Variants in EDRF1 observed in about 807,000 individuals in gnomAD.
EDRF1 encodes the protein erythroid differentiation regulatory factor 1.
EDRF1 carries 69 observed loss-of-function variants against 148.7 expected under a neutral mutation model. That is an observed-to-expected ratio of 0.46 (90% CI 0.38 to 0.57). The LOEUF is 0.57. Among genes scored for constraint, EDRF1 ranks in the 20% least tolerant of loss-of-function variants. The pLI is 0.00. For missense variants in EDRF1, 1,118 were observed against 1,478.7 expected, an observed-to-expected ratio of 0.76 and a Z score of 4.00; for synonymous variants, 515 against 532.8, an observed-to-expected ratio of 0.97 and a Z score of 0.46.
chr10:125,745,005 C>T (rs1156280290), intron 18 of EDRF1: 3 of 153,066 alleles, frequency 2.0e-5, no homozygotes, highest in Non-Finnish European at 4.4e-5. Context: ...ATAAGGGTTA[C>T]TTGTACAAAA....
chr10:125,751,858 T>C (rs1198431205), intron 22 of EDRF1: 1 of 152,232 alleles, frequency 6.6e-6, no homozygotes, highest in Non-Finnish European at 1.5e-5. Flanking sequence ...CCTGGAGAGT[T>C]CTAAGCGCGG....
intron 1 of EDRF1, among the ~76,000 whole-genome samples, chr10:125,720,725 G>T (rs1364805789): frequency 6.6e-6 from 1 of 151,196 alleles, no homozygotes; most frequent in Non-Finnish European, 1.5e-5. Context: ...GCAGGAGAAT[G>T]GCGTAAACCC....
Position 125,748,018 on chromosome 10 carries a change from G to A in EDRF1, c.3123+6G>A, listed in dbSNP as rs1487161368. The A allele has an allele frequency of 1.2e-6, 2 of 1,614,158 alleles. No individual in the cohort carries two copies. The highest frequency in any genetic ancestry group is 1.1e-5 in the South Asian group (1 of 91,084). On this transcript the variant is annotated splice_donor_region_variant and intron_variant, in intron 21 of 24. Transcript: ENST00000356792. ...ACAGCTGTCTGAGGAATCAGGTATTGTCAGTCCAAGTTAAGTACAGTGCCA... is the reference window on the plus strand; with the variant it reads ...ACAGCTGTCTGAGGAATCAGGTATTATCAGTCCAAGTTAAGTACAGTGCCA...
chr10:125,747,687 A>T lies in EDRF1; in HGVS notation c.2966A>T (p.Gln989Leu). ...QDYAPLSRKA[Q>L]EQIEKEVSEA... is the part of the protein sequence containing the mutation. ...TATGCTCCGTTATCTAGAAAAGCTC[A>T]GGAGCAGGTGATAATATTTGCTGGA... The change falls in exon 20 of 25, where the codon CAG (glutamine) becomes CTG (leucine). Residue 989 changes from glutamine (Q) to leucine (L), a missense_variant. This residue lies in a region of EDRF1 where 954 missense variants were observed against 1,241.4 expected (regional missense o/e 0.77). Transcript: ENST00000356792. 6.2e-7 allele frequency: 1 copy of T among 1,614,172 alleles called. No individual in the cohort carries two copies. The highest frequency in any genetic ancestry group is 8.5e-7 in the Non-Finnish European group (1 of 1,180,000).
In EDRF1 at chr10:125,763,485, G is replaced by A. The variant is rs2296831; in HGVS notation, c.*13G>A. ...TGCCGTTCAGTGACTGCACAGAGCC[G>A]TGTCCCAGACACGCTGTCAGTGCCT... On this transcript the variant is annotated 3_prime_UTR_variant, in exon 25 of 25. Coordinates refer to ENST00000356792, the MANE Select transcript of EDRF1 (RefSeq NM_001202438.2). This position sits in a 1 kb window ranked among gnomAD's most constrained non-coding sequence, Gnocchi z 4.3. 7,620 of 1,603,822 alleles carry A rather than the reference G, an allele frequency of 4.8e-3. 368 individuals carry two copies. In the East Asian group the frequency reaches 0.12, roughly 24 times the overall value.
At position 125,735,719 on chromosome 10, in the gene EDRF1, T is replaced by A. The variant is rs1245507643; in HGVS notation, c.1573T>A (p.Ser525Thr). The change falls in exon 13 of 25, where the codon TCT (serine) becomes ACT (threonine). Residue 525 changes from serine to threonine, a missense_variant. Around this residue, in one of 3 missense-constraint regions of EDRF1, gnomAD observed 954 missense variants for 1,241.4 expected, o/e 0.77. Coordinates refer to ENST00000356792, the MANE Select transcript of EDRF1 (RefSeq NM_001202438.2). ...ACCTAAAAAGGAAGAAAATTCAGAATCTCCTTTAAATGAGAATTCTGATGA... is the reference window on the plus strand; with the variant it reads ...ACCTAAAAAGGAAGAAAATTCAGAAACTCCTTTAAATGAGAATTCTGATGA... ...DEPKKEENSE[S>T]PLNENSDESY... 8.7e-6 allele frequency: 14 copies of A among 1,613,456 alleles called. 1 individual carries two copies. The Admixed American group carries it at 2.3e-4, about 27-fold the overall frequency.
intron 9 of EDRF1, 76 bp downstream of exon 9, chr10:125,730,475 C>A: frequency 8.6e-7 from 1 of 1,160,472 alleles, no homozygotes; most frequent in Non-Finnish European, 1.3e-6. Context: ...GTCTTTACGG[C>A]CCTGAAGTAC....
rs138034153 is a variant in EDRF1 at position 125,720,287 on chromosome 10, G to A, written c.108+372G>A. 1.6e-4 allele frequency among the ~76,000 whole-genome samples: 24 copies of A among 152,286 alleles called. 1 individual carries two copies. The East Asian group carries it at 4.5e-3, about 28-fold the overall frequency. On this transcript the variant is annotated intron_variant, in intron 1 of 24. Transcript: ENST00000356792. The stretch of plus-strand genomic sequence containing the variant: ...GTTTGCCATGCAGAAGAGGTACTGC[G>A]TGAAAGGTTAGAATATTGAACCCAG...
At chr10:125,721,464 C>A in intron 2 of EDRF1, 52 bp downstream of exon 2, 1 of 1,521,268 alleles carries the variant, frequency 6.6e-7, no homozygotes, top group Non-Finnish European at 9.1e-7. Flanking sequence ...TCACTTAAAA[C>A]TCTTATTTGC....
At chr10:125,762,386 G>T (rs1331812887) in intron 24 of EDRF1, among the ~76,000 whole-genome samples, 1 of 152,090 alleles carries the variant, frequency 6.6e-6, no homozygotes, top group Non-Finnish European at 1.5e-5. Context: ...GAGGGGATGG[G>T]ATTATTGTAA....
intron 6 of EDRF1, among the ~76,000 whole-genome samples, chr10:125,727,556 A>G (rs565836816): frequency 6.6e-6 from 1 of 152,330 alleles, no homozygotes; most frequent in Admixed American, 6.5e-5. Flanking sequence ...TCATGAGTTG[A>G]TAACTTGTCT....
chr10:125,755,231 C>T (rs1247906096), intron 24 of EDRF1, among the ~76,000 whole-genome samples: 3 of 152,146 alleles, frequency 2.0e-5, no homozygotes, highest in Non-Finnish European at 4.4e-5. Flanking sequence ...AATTTGTGTC[C>T]AGTGCTTTTA....
chr10:125,731,290 G>A (rs1017832002), intron 9 of EDRF1, among the ~76,000 whole-genome samples: 1 of 152,206 alleles, frequency 6.6e-6, no homozygotes, highest in Non-Finnish European at 1.5e-5. Context: ...AGAATTAGAA[G>A]TGTAGCACAC....
At position 125,730,357 on chromosome 10, in the gene EDRF1, G is replaced by A. The variant is rs992711101; in HGVS notation, c.1086G>A (p.Val362=). Residue 362 remains valine, a synonymous_variant, in exon 9 of 25, where the codon GTG becomes GTA. Coordinates refer to ENST00000356792, the MANE Select transcript of EDRF1 (RefSeq NM_001202438.2). ...DYWLDNLICN[V]PELVMCFHVN... is the part of the protein sequence containing the mutation. ...GGTTGGACAACTTGATATGCAATGT[G>A]CCAGAGCTTGTGATGTGTTTTCATG... 1.9e-6 allele frequency: 3 copies of A among 1,613,972 alleles called. No homozygotes were observed. Among genetic ancestry groups the A allele is most frequent in the Non-Finnish European group, 1.7e-6 (2 of 1,179,878 alleles).
chr10:125,721,046 G>A (rs1366578647), intron 1 of EDRF1, among the ~76,000 whole-genome samples, 158 bp from the exon 2 acceptor site: 1 of 152,106 alleles, frequency 6.6e-6, no homozygotes, highest in Non-Finnish European at 1.5e-5. Context: ...CTAAGTAAAT[G>A]TTACCATTTA....
In EDRF1 at chr10:125,729,420, C is replaced by T. The variant is rs763527108; in HGVS notation, c.957C>T (p.Val319=). The T allele has an allele frequency of 3.2e-5, 52 of 1,613,610 alleles. No homozygotes were observed. The highest frequency in any genetic ancestry group is 3.4e-5 in the Non-Finnish European group (40 of 1,179,586). ...LWTFEDIHML[V]GSNMPIFGGG... is the part of the protein sequence containing the mutation. ...CATTTGAAGATATCCATATGTTGGT[C>T]GGCTCCAACATGCCCATATTTGGAG... The change falls in exon 8 of 25, where the codon GTC becomes GTT. Residue 319 remains valine, a synonymous_variant. Transcript: ENST00000356792.
At chr10:125,729,217 C>T in intron 7 of EDRF1, 113 bp downstream of exon 7, 1 of 1,444,696 alleles carries the variant, frequency 6.9e-7, no homozygotes, top group Non-Finnish European at 9.5e-7. Context: ...CCTGAAACTG[C>T]TTTCTAAGCA....
chr10:125,723,842 G>A lies in EDRF1; in HGVS notation c.416G>A (p.Ser139Asn). The change falls in exon 4 of 25, where the codon AGC (serine) becomes AAC (asparagine). Residue 139 changes from serine (S) to asparagine (N), a missense_variant. Ser to Asn is a conservative substitution (Grantham distance 46). Transcript: ENST00000356792. The part of the protein sequence containing the change: ...NIKKLLKIPY[S>N]KSHVSMAVHR... ...AAAAAACTCCTGAAAATTCCCTACA[G>A]CAAGTCGCACGTGAGCATGGCAGTA... 5 of 1,613,474 alleles carry A rather than the reference G, an allele frequency of 3.1e-6. No individual in the cohort carries two copies. The highest frequency in any genetic ancestry group is 4.2e-6 in the Non-Finnish European group (5 of 1,179,658).
chr10:125,726,349 T>C (rs1000769080), intron 6 of EDRF1, among the ~76,000 whole-genome samples: 9 of 152,200 alleles, frequency 5.9e-5, no homozygotes, highest in African/African-American at 1.7e-4. Flanking sequence ...CCAGATAAAA[T>C]TCCTGAAACT....
Sources: allele counts gnomAD v4.1 joint callset (sites outside exome capture counted in the v4.1 genomes callset), GRCh38; gene constraint gnomAD v4.1.1; regional missense constraint gnomAD v4.1.1; non-coding constraint Gnocchi (gnomAD v3.1); transcripts MANE v1.5; gene names NCBI Gene and HGNC (gene_info 2026-07-23, HGNC 2026-07-21).